FBH1: variants seen among roughly 807,000 people sequenced by gnomAD.
The protein encoded by FBH1 is F-box DNA helicase 1.
In FBH1, 43 loss-of-function variants were observed where a neutral mutation model predicts 115.5. The ratio of observed to expected loss-of-function variants is 0.37; its 90% CI spans 0.29 to 0.48. FBH1 has a LOEUF of 0.48. FBH1 is among the 20% of genes least tolerant of loss of function. The pLI is 0.99. For synonymous variants in FBH1, 524 were observed against 507.8 expected (o/e 1.03, Z -0.43); for missense variants, 1,001 against 1,337.3 (o/e 0.75, Z 3.92).
chr10:5,898,559 C>T (rs149292904), intron 1 of FBH1, among the ~76,000 whole-genome samples: 6 of 152,172 alleles, frequency 3.9e-5, no homozygotes, highest in East Asian at 1.9e-4. Flanking sequence ...TACAGGTGCC[C>T]GCCACCACAC....
intron 1 of FBH1, among the ~76,000 whole-genome samples, chr10:5,902,470 A>G (rs76531268): frequency 0.016 from 2,482 of 152,306 alleles, 34 homozygotes; most frequent in Middle Eastern, 0.031. Context: ...AAACCTCAGT[A>G]TATCCACTAG....
intron 3 of FBH1, among the ~76,000 whole-genome samples, chr10:5,908,327 A>G (rs1281453199): frequency 2.6e-5 from 4 of 152,234 alleles, no homozygotes; most frequent in Non-Finnish European, 5.9e-5. Flanking sequence ...TGATATTAGT[A>G]TAGCCACAGC....
In FBH1 at chr10:5,932,172, TAA is replaced by T. The variant is rs1833007363; in HGVS notation, c.2830-4283_2830-4282del. 6.6e-6 allele frequency among the ~76,000 whole-genome samples: 1 copy of T among 152,190 alleles called. No homozygotes were observed. Among genetic ancestry groups the T allele is most frequent in the Non-Finnish European group, 1.5e-5 (1 of 68,040 alleles). ...AAAAGAAAAGATCAAAACTTTGTGA[TAA>T]GAGAAGTCTCATTACCTCCCTGTTC... On this transcript the variant is annotated intron_variant, in intron 19 of 20. Transcript: ENST00000362091. This position sits in a 1 kb window ranked among gnomAD's most constrained non-coding sequence, Gnocchi z 5.9.
In FBH1 at chr10:5,913,012, G is replaced by A. The variant is rs1015356601; in HGVS notation, c.1212-735G>A. On this transcript the variant is annotated intron_variant, in intron 6 of 20. Coordinates refer to ENST00000362091, the MANE Select transcript of FBH1 (RefSeq NM_178150.3). This position sits in a 1 kb window ranked among gnomAD's most constrained non-coding sequence, Gnocchi z 4.4. ...TGGGCTCTTTTCGCTCTGGGGATGGGGGGCAGTGCACTCGATTGTTGGGGG... is the reference window on the plus strand; with the variant it reads ...TGGGCTCTTTTCGCTCTGGGGATGGAGGGCAGTGCACTCGATTGTTGGGGG... Among the ~76,000 whole-genome samples, 1 of 152,174 alleles carries A rather than the reference G, an allele frequency of 6.6e-6. No homozygotes were observed. Among genetic ancestry groups the A allele is most frequent in the South Asian group, 2.1e-4 (1 of 4,822 alleles).
At position 5,923,447 on chromosome 10, in the gene FBH1, T is replaced by C; in HGVS notation, c.2323-174T>C. On this transcript the variant is annotated intron_variant, in intron 15 of 20. Transcript: ENST00000362091. This position sits in a 1 kb window ranked among gnomAD's most constrained non-coding sequence, Gnocchi z 5.7. ...GCCTTGCGCTTTCTGCTTCATGAAG[T>C]TTCCTGCTTGCCGCCTGTGCTTTGG... is the stretch of plus-strand genomic sequence containing the variant. 5.2e-6 allele frequency: 3 copies of C among 575,572 alleles called. No individual in the cohort carries two copies. The East Asian group carries it at 9.1e-5, about 18-fold the overall frequency. The allele number at this position is 575,572 out of a possible 1,614,324, so 35.7% of individuals were successfully genotyped here. A position where few individuals can be genotyped will look rare whatever the true frequency, so the allele number is the denominator to read the frequency against.
At position 5,909,062 on chromosome 10, in the gene FBH1, T is replaced by C. The variant is rs595923; in HGVS notation, c.884+7T>C. 656,096 of 1,613,800 alleles carry C rather than the reference T, an allele frequency of 0.41. 140,837 individuals are homozygous for C. The highest frequency in any genetic ancestry group is 0.72 in the East Asian group (32,293 of 44,876). On this transcript the variant is annotated splice_region_variant and intron_variant, in intron 4 of 20. Transcript: ENST00000362091. This position sits in a 1 kb window ranked among gnomAD's most constrained non-coding sequence, Gnocchi z 4.4. Reference sequence around the variant, plus strand: ...GTGTGCTGAACCTCATACGGTGAGCTTTGCCTGTGCTGTAAAGAAGGCGTC... The same window carrying C: ...GTGTGCTGAACCTCATACGGTGAGCCTTGCCTGTGCTGTAAAGAAGGCGTC...
intron 1 of FBH1, among the ~76,000 whole-genome samples, chr10:5,891,900 C>T (rs1000814084): frequency 2.6e-5 from 4 of 152,220 alleles, no homozygotes; most frequent in Non-Finnish European, 5.9e-5. Context: ...GCGTGAGCCA[C>T]CGTGCCTAGC....
rs1453169143 is a variant in FBH1, at chr10:5,909,258, G to A, written c.984G>A (p.Val328=). The part of the protein sequence containing the change: ...HPLLPEAEAC[V]RQHLPDLYAA... ...TCCTCCCCGAGGCTGAGGCGTGTGT[G>A]CGGCAACACCTCCCCGACCTCTACG... Residue 328 remains valine, a synonymous_variant, in exon 5 of 21, where the codon GTG becomes GTA. Coordinates refer to ENST00000362091, the MANE Select transcript of FBH1 (RefSeq NM_178150.3). This position sits in a 1 kb window ranked among gnomAD's most constrained non-coding sequence, Gnocchi z 4.4. The A allele has an allele frequency of 6.2e-7, 1 of 1,612,414 alleles. No individual in the cohort carries two copies. Among genetic ancestry groups the A allele is most frequent in the Non-Finnish European group, 8.5e-7 (1 of 1,180,024 alleles).
Position 5,918,230 on chromosome 10 carries a change from G to C in FBH1, c.1964-112G>C, listed in dbSNP as rs555247613. The C allele has an allele frequency of 7.6e-7, 1 of 1,321,332 alleles. No individual in the cohort carries two copies. Among genetic ancestry groups the C allele is most frequent in the Non-Finnish European group, 1.0e-6 (1 of 960,202 alleles). The allele number at this position is 1,321,332 out of a possible 1,614,324, so 81.9% of individuals were successfully genotyped here. ...GCCTGTCCTACAGGAAAAGGCGACC[G>C]TGAGGTCCAGTGTGCCCTGGCTTAG... On this transcript the variant is annotated intron_variant, in intron 12 of 20. Transcript: ENST00000362091. The surrounding 1 kb of genome is among the most constrained non-coding windows in gnomAD (Gnocchi z 4.0).
In FBH1 at chr10:5,906,317, A is replaced by G. The variant is rs766440649; in HGVS notation, c.438A>G (p.Lys146=). The G allele has an allele frequency of 4.3e-6, 7 of 1,614,188 alleles. No homozygotes were observed. The Admixed American group carries it at 8.3e-5, about 19-fold the overall frequency. Residue 146 remains lysine, a synonymous_variant, in exon 3 of 21, where the codon AAA becomes AAG. Coordinates refer to ENST00000362091, the MANE Select transcript of FBH1 (RefSeq NM_178150.3). This position sits in a 1 kb window ranked among gnomAD's most constrained non-coding sequence, Gnocchi z 7.3. ...GTSRWDGVSK[K]APRHHLSVPC... ...GCCGGTGGGATGGAGTTTCTAAGAA[A>G]GCTCCACGGCACCATTTGTCTGTGC...
At chr10:5,912,288 C>T (rs1412295064) in intron 6 of FBH1, among the ~76,000 whole-genome samples, 2 of 151,620 alleles carry the variant, frequency 1.3e-5, no homozygotes, top group Non-Finnish European at 2.9e-5. Flanking sequence ...TACTTGAACC[C>T]AGGAGGCAGA....
Position 5,906,772 on chromosome 10 carries a change from AG to A in FBH1, c.753+142del. On this transcript the variant is annotated intron_variant, in intron 3 of 20. Coordinates refer to ENST00000362091, the MANE Select transcript of FBH1 (RefSeq NM_178150.3). This position sits in a 1 kb window ranked among gnomAD's most constrained non-coding sequence, Gnocchi z 7.3. Reference sequence around the variant, plus strand: ...CATTCAGACTCCTTAGAGGCATTTAAGGCCTTCCGTGTCTGCCCCACCCTAT... The same window carrying A: ...CATTCAGACTCCTTAGAGGCATTTAAGCCTTCCGTGTCTGCCCCACCCTAT... The A allele has an allele frequency of 1.5e-6, 1 of 672,910 alleles. No individual in the cohort carries two copies. 41.7% of individuals were successfully genotyped at this position (672,910 alleles called of 1,614,324 possible). A position where few individuals can be genotyped will look rare whatever the true frequency, so the allele number is the denominator to read the frequency against.
intron 1 of FBH1, among the ~76,000 whole-genome samples, chr10:5,898,198 C>A (rs893773550): frequency 6.6e-6 from 1 of 152,224 alleles, no homozygotes; most frequent in Non-Finnish European, 1.5e-5. Context: ...AAGTCTCTCT[C>A]ACTCACAGAT....
In FBH1 at chr10:5,910,831, G is replaced by A. The variant is rs1475411840; in HGVS notation, c.1021-107G>A. 1 of 933,050 alleles carries A rather than the reference G, an allele frequency of 1.1e-6. No individual in the cohort carries two copies. The highest frequency in any genetic ancestry group is 1.6e-6 in the Non-Finnish European group (1 of 629,042). 57.8% of individuals were successfully genotyped at this position (933,050 alleles called of 1,614,324 possible). On this transcript the variant is annotated intron_variant, in intron 5 of 20. Coordinates refer to ENST00000362091, the MANE Select transcript of FBH1 (RefSeq NM_178150.3). The surrounding 1 kb of genome is among the most constrained non-coding windows in gnomAD (Gnocchi z 4.8). ...TTGGATTCAGTCCAGACAGTCTGTA[G>A]CCAGCAGCTGGACCCGTGGCTCGGC...
In FBH1 at chr10:5,900,701, G is replaced by A. The variant is rs549752877; in HGVS notation, c.2-2319G>A. Reference sequence around the variant, plus strand: ...CCTTGAAAAAGTTAACTGAAATTTGGAAGGGTGATTTCTGAATTAGCTAGG... The same window carrying A: ...CCTTGAAAAAGTTAACTGAAATTTGAAAGGGTGATTTCTGAATTAGCTAGG... On this transcript the variant is annotated intron_variant, in intron 1 of 20. Transcript: ENST00000362091. This position sits in a 1 kb window ranked among gnomAD's most constrained non-coding sequence, Gnocchi z 4.2. Among the ~76,000 whole-genome samples the A allele has an allele frequency of 6.6e-6, 1 of 152,266 alleles. No individual in the cohort carries two copies. Among genetic ancestry groups the A allele is most frequent in the Non-Finnish European group, 1.5e-5 (1 of 68,022 alleles).
rs765736406 is a variant in FBH1 at position 5,914,300 on chromosome 10, G to A, written c.1396+31G>A. 3.1e-6 allele frequency: 5 copies of A among 1,601,606 alleles called. No homozygotes were observed. The East Asian group carries it at 8.9e-5, about 29-fold the overall frequency. Reference sequence around the variant, plus strand: ...GGAGCCCACATCAGGTTCACGAGGTGGTGGTTTTCTGCCTTTTCTCCCTAC... The same window carrying A: ...GGAGCCCACATCAGGTTCACGAGGTAGTGGTTTTCTGCCTTTTCTCCCTAC... On this transcript the variant is annotated intron_variant, in intron 8 of 20. Transcript: ENST00000362091. This position sits in a 1 kb window ranked among gnomAD's most constrained non-coding sequence, Gnocchi z 5.2.
intron 18 of FBH1, among the ~76,000 whole-genome samples, chr10:5,926,645 G>A (rs1415501201): frequency 6.6e-6 from 1 of 152,202 alleles, no homozygotes; most frequent in Non-Finnish European, 1.5e-5. Context: ...CATAGACCAT[G>A]GTTTGGAGTG....
chr10:5,903,176 G>A lies in FBH1; in HGVS notation c.157+1G>A, dbSNP rs1472422308. On this transcript the variant is annotated splice_donor_variant, in intron 2 of 20. Transcript: ENST00000362091. LOFTEE classifies it high-confidence loss of function. ...CCGAGAACAAAAAGAGGGAGTAGGG[G>A]TATGTCTCCTCTAAAACTCTTGCAT... 1 of 1,603,364 alleles carries A rather than the reference G, an allele frequency of 6.2e-7. No homozygotes were observed. The highest frequency in any genetic ancestry group is 1.3e-5 in the African/African-American group (1 of 74,680).
rs112830734 is a variant in FBH1 at position 5,921,914 on chromosome 10, C to T, written c.2322+345C>T. 4.4e-3 allele frequency among the ~76,000 whole-genome samples: 664 copies of T among 152,276 alleles called. 4 individuals carry two copies. The highest frequency in any genetic ancestry group is 0.015 in the African/African-American group (620 of 41,548). On this transcript the variant is annotated intron_variant, in intron 15 of 20. Coordinates refer to ENST00000362091, the MANE Select transcript of FBH1 (RefSeq NM_178150.3). This position sits in a 1 kb window ranked among gnomAD's most constrained non-coding sequence, Gnocchi z 6.4. ...TGTGAGAACAGCTGAGCTGACAACA[C>T]GCAGAGTACACACCTAGGCTCTAGT...
Sources: gnomAD v4.1 joint callset for allele counts (sites outside exome capture counted in the v4.1 genomes callset) on GRCh38, gnomAD v4.1.1 for gene constraint, Gnocchi (gnomAD v3.1) non-coding constraint, MANE v1.5 for transcripts, NCBI Gene and HGNC (gene_info 2026-07-23, HGNC 2026-07-21) for gene names.